LARGE1: variants seen among roughly 807,000 people sequenced by gnomAD.
LARGE1 encodes xylosyl- and glucuronyltransferase LARGE1.
LARGE1 carries 43 observed loss-of-function variants against 87.6 expected under a neutral mutation model. That is an observed-to-expected ratio of 0.49 (90% CI 0.38 to 0.63). The LOEUF is 0.63. Among genes scored for constraint, LARGE1 ranks in the 30% least tolerant of loss-of-function variants. The probability of loss-of-function intolerance (pLI) is 0.00; values close to 1 mark genes in which losing one functional copy is unlikely to be tolerated. For synonymous variants in LARGE1, 434 were observed against 394.6 expected, an observed-to-expected ratio of 1.10 and a Z score of -1.18; for missense variants, 802 against 1,000.2, an observed-to-expected ratio of 0.80 and a Z score of 2.67.
chr22:33,630,785 C>T (rs1193970734), intron 3 of LARGE1, among the ~76,000 whole-genome samples: 1 of 151,896 alleles, frequency 6.6e-6, no homozygotes, highest in African/African-American at 2.4e-5. Context: ...AAATATTTTT[C>T]TTCAATAAAA....
intron 9 of LARGE1, among the ~76,000 whole-genome samples, chr22:33,364,769 T>C (rs1370849062): frequency 6.6e-6 from 1 of 152,188 alleles, no homozygotes; most frequent in Non-Finnish European, 1.5e-5. Context: ...CAATCACAGG[T>C]CACTGCATCC....
At chr22:33,914,749 T>C (rs1464903357) in intron 1 of LARGE1, among the ~76,000 whole-genome samples, 2 of 152,144 alleles carry the variant, frequency 1.3e-5, no homozygotes, top group African/African-American at 4.8e-5. Context: ...GAGTGCTCAG[T>C]GTAGAGGCTA....
At position 33,317,804 on chromosome 22, in the gene LARGE1, G is replaced by A. The variant is rs5994716; in HGVS notation, c.1288-1556C>T. 3.0e-4 allele frequency among the ~76,000 whole-genome samples: 46 copies of A among 152,248 alleles called. 2 individuals carry two copies. Among genetic ancestry groups the A allele is most frequent in the African/African-American group, 1.1e-3 (44 of 41,534 alleles). On this transcript the variant is annotated intron_variant, in intron 10 of 14. Transcript: ENST00000397394. ...ATCCACAGTGACAAAAATTGGACTC[G>A]GGCATGTGGGGTGGGGGAGTGAAGC...
intron 4 of LARGE1, among the ~76,000 whole-genome samples, chr22:33,604,823 G>A (rs2079208784): frequency 6.6e-6 from 1 of 152,088 alleles, no homozygotes; most frequent in East Asian, 1.9e-4. Flanking sequence ...CAGGCCAAAC[G>A]CCATACCTGT....
chr22:33,635,363 C>CTG (rs2080239339), intron 3 of LARGE1, among the ~76,000 whole-genome samples: 2 of 152,280 alleles, frequency 1.3e-5, no homozygotes, highest in African/African-American at 4.8e-5. Flanking sequence ...TGGTCCACCC[C>CTG]TGTATGTAAG....
intron 9 of LARGE1, among the ~76,000 whole-genome samples, chr22:33,361,560 G>C (rs935608107): frequency 6.7e-6 from 1 of 149,586 alleles, no homozygotes; most frequent in African/African-American, 2.5e-5. Flanking sequence ...GTGGAGAGGG[G>C]CAGCAAGGAT....
In LARGE1 at chr22:33,467,944, G is replaced by A. The variant is rs374586711; in HGVS notation, c.788-35679C>T. ...GACCAAGCTTCTCTCCTGTCATTCT[G>A]AGGCTTTGAGGGGCTCATTTGAGGC... is the stretch of plus-strand genomic sequence containing the variant. On this transcript the variant is annotated intron_variant, in intron 6 of 14. Coordinates refer to ENST00000397394, the MANE Select transcript of LARGE1 (RefSeq NM_133642.5). Among the ~76,000 whole-genome samples the A allele has an allele frequency of 7.0e-4, 106 of 152,262 alleles. 1 individual carries two copies. In the South Asian group the frequency reaches 0.02, roughly 29 times the overall value.
At chr22:33,103,685 A>G in the LARGE1 span, among the ~76,000 whole-genome samples, 3 of 152,158 alleles carry the variant, frequency 2.0e-5, no homozygotes, top group East Asian at 1.9e-4. Flanking sequence ...CCTCAGTCCT[A>G]CAACCTCAAG....
At chr22:33,529,651 C>T (rs866527304) in intron 6 of LARGE1, among the ~76,000 whole-genome samples, 14 of 152,230 alleles carry the variant, frequency 9.2e-5, no homozygotes, top group East Asian at 7.7e-4. Context: ...GGCAGGGGAT[C>T]GGATCTTTTT....
At chr22:33,640,983 G>T (rs2080412114) in intron 3 of LARGE1, among the ~76,000 whole-genome samples, 1 of 152,174 alleles carries the variant, frequency 6.6e-6, no homozygotes, top group Non-Finnish European at 1.5e-5. Context: ...GTGGCTGTGG[G>T]CACAGCTTCA....
chr22:33,429,252 G>A (rs985382640), intron 7 of LARGE1, among the ~76,000 whole-genome samples: 7 of 152,092 alleles, frequency 4.6e-5, no homozygotes, highest in Admixed American at 2.0e-4. Context: ...CATCCCCTTC[G>A]TGAAAGCCAT....
chr22:33,073,971 G>A, the LARGE1 span, among the ~76,000 whole-genome samples: 1 of 152,128 alleles, frequency 6.6e-6, no homozygotes, highest in Non-Finnish European at 1.5e-5. Flanking sequence ...CTAACTAGAA[G>A]CTTCCTTCCT....
intron 11 of LARGE1, among the ~76,000 whole-genome samples, chr22:33,243,010 A>G (rs1342964876): frequency 6.6e-6 from 1 of 152,166 alleles, no homozygotes; most frequent in Non-Finnish European, 1.5e-5. Flanking sequence ...CATCAGTCAC[A>G]TTGGATTGAG....
At chr22:33,772,887 C>T (rs2145828909) in intron 1 of LARGE1, among the ~76,000 whole-genome samples, 1 of 152,018 alleles carries the variant, frequency 6.6e-6, no homozygotes, top group South Asian at 2.1e-4. Context: ...ACGAATGTGC[C>T]ATCATCAGGC....
intron 6 of LARGE1, among the ~76,000 whole-genome samples, chr22:33,482,994 G>A (rs545021314): frequency 6.6e-6 from 1 of 152,262 alleles, no homozygotes; most frequent in South Asian, 2.1e-4. Context: ...GGACTTACGT[G>A]GCCTGGAAGC....
intron 11 of LARGE1, among the ~76,000 whole-genome samples, chr22:33,266,342 C>G (rs534163709): frequency 6.6e-6 from 1 of 150,940 alleles, no homozygotes; most frequent in South Asian, 2.1e-4. Flanking sequence ...CTGCCTCAGC[C>G]TCCCGAGTAG....
At chr22:33,416,906 C>T (rs1385289829) in intron 7 of LARGE1, among the ~76,000 whole-genome samples, 25 of 90,142 alleles carry the variant, frequency 2.8e-4, no homozygotes, top group African/African-American at 5.2e-4. Context: ...CACGCCCGGA[C>T]TTTTTTTTTT....
At chr22:33,266,194 G>A (rs1465475723) in intron 11 of LARGE1, among the ~76,000 whole-genome samples, 1 of 148,730 alleles carries the variant, frequency 6.7e-6, no homozygotes, top group African/African-American at 2.5e-5. Flanking sequence ...CTGGGGCCAC[G>A]TGGGCCTAGG....
intron 1 of LARGE1, among the ~76,000 whole-genome samples, chr22:33,860,751 C>A (rs535992558): frequency 6.6e-6 from 1 of 152,204 alleles, no homozygotes; most frequent in East Asian, 1.9e-4. Context: ...AAGACCAACA[C>A]GTGCAAACTA....
Sources: allele counts gnomAD v4.1 joint callset (sites outside exome capture counted in the v4.1 genomes callset), GRCh38; gene constraint gnomAD v4.1.1; transcripts MANE v1.5; gene names NCBI Gene and HGNC (gene_info 2026-07-23, HGNC 2026-07-21).